The following PARD3 variants were observed in gnomAD, a reference collection of about 807,000 sequenced individuals.
The protein encoded by PARD3 is partitioning defective 3 homolog.
Under a neutral mutation model 155.4 loss-of-function variants are expected in PARD3, and 75 were observed. The observed-to-expected ratio is 0.48, with a 90% CI of 0.40 to 0.58. PARD3 has a LOEUF of 0.58. Among genes scored for constraint, PARD3 ranks in the 20% least tolerant of loss-of-function variants. PARD3 has a pLI of 0.00. For synonymous variants in PARD3, 576 were observed against 610.5 expected (o/e 0.94, Z 0.83); for missense variants, 1,642 against 1,721.7 (o/e 0.95, Z 0.82).
intron 2 of PARD3, among the ~76,000 whole-genome samples, chr10:34,693,750 G>A (rs2094113128): frequency 6.6e-6 from 1 of 152,162 alleles, no homozygotes; most frequent in Non-Finnish European, 1.5e-5. Context: ...AGGATCACTT[G>A]AACCTGGGAG....
intron 2 of PARD3, among the ~76,000 whole-genome samples, chr10:34,591,263 A>T (rs1486204271): frequency 6.6e-6 from 1 of 152,148 alleles, no homozygotes; most frequent in Admixed American, 6.6e-5. Flanking sequence ...TGTGTGCCCA[A>T]ACAAAGGGTC....
rs560788773 is a variant in PARD3, at chr10:34,189,205, G to C, written c.3420-57622C>G. Among the ~76,000 whole-genome samples, 3 of 152,076 alleles carry C rather than the reference G, an allele frequency of 2.0e-5. No individual in the cohort carries two copies. In the South Asian group the frequency reaches 6.3e-4, roughly 32 times the overall value. Reference sequence around the variant, plus strand: ...TAAAAATAATAAATAACCTGGGCATGGTCCCCAGCTACTTGTGAGGCTGAG... The same window carrying C: ...TAAAAATAATAAATAACCTGGGCATCGTCCCCAGCTACTTGTGAGGCTGAG... On this transcript the variant is annotated intron_variant, in intron 22 of 24. Transcript: ENST00000374788.
intron 2 of PARD3, among the ~76,000 whole-genome samples, chr10:34,678,971 T>C (rs2093762316): frequency 6.6e-6 from 1 of 152,070 alleles, no homozygotes; most frequent in East Asian, 1.9e-4. Context: ...TAATACCTCT[T>C]TGCAGGTTTC....
chr10:34,125,691 G>T (rs1215920273), intron 23 of PARD3, among the ~76,000 whole-genome samples: 1 of 152,196 alleles, frequency 6.6e-6, no homozygotes, highest in Non-Finnish European at 1.5e-5. Flanking sequence ...GAAAAGGACA[G>T]ATTTTGTTAT....
intron 1 of PARD3, among the ~76,000 whole-genome samples, chr10:34,757,250 AGTC>A (rs1376515393): frequency 6.6e-6 from 1 of 152,256 alleles, no homozygotes; most frequent in East Asian, 1.9e-4. Context: ...GTTAATTACT[AGTC>A]AGCACTAAAA....
rs1433323340 is a variant in PARD3 at position 34,589,989 on chromosome 10, A to G, written c.223-72830T>C. On this transcript the variant is annotated intron_variant, in intron 2 of 24. Transcript: ENST00000374788. ...TCCACAACCTCCATTTTTGGTATTT[A>G]TACAAAGATGGTGAACATTACCAAT... 2.6e-5 allele frequency among the ~76,000 whole-genome samples: 4 copies of G among 152,210 alleles called. 1 individual carries two copies. Among genetic ancestry groups the G allele is most frequent in the Non-Finnish European group, 5.9e-5 (4 of 68,038 alleles).
rs144421819 is a variant in PARD3, at chr10:34,351,260, T to G, written c.2068-3145A>C. Among the ~76,000 whole-genome samples, 319 of 152,252 alleles carry G rather than the reference T, an allele frequency of 2.1e-3. 6 individuals carry two copies. Among genetic ancestry groups the G allele is most frequent in the Admixed American group, 0.019 (298 of 15,292 alleles). ...ATTATTCAATATTTCAGTTTTTTTT[T>G]AGCATATTGTATTTTATCCCCAATG... On this transcript the variant is annotated intron_variant, in intron 14 of 24. Coordinates refer to ENST00000374788, the MANE Select transcript of PARD3 (RefSeq NM_001184785.2).
rs537655329 is a variant in PARD3 at position 34,355,534 on chromosome 10, T to C, written c.2067+3613A>G. On this transcript the variant is annotated intron_variant, in intron 14 of 24. Coordinates refer to ENST00000374788, the MANE Select transcript of PARD3 (RefSeq NM_001184785.2). The stretch of plus-strand genomic sequence containing the variant: ...TGGACAGAGGGATCTGGTGCCAGAG[T>C]GGACCTGTGAGCTGGAAAGAGGATG... Among the ~76,000 whole-genome samples the C allele has an allele frequency of 3.3e-5, 5 of 151,844 alleles. No individual in the cohort carries two copies. The East Asian group carries it at 9.7e-4, about 30-fold the overall frequency.
intron 4 of PARD3, among the ~76,000 whole-genome samples, chr10:34,468,713 C>T (rs2078161522): frequency 6.6e-6 from 1 of 152,092 alleles, no homozygotes; most frequent in Non-Finnish European, 1.5e-5. Context: ...TAAATATACT[C>T]TTTTTTTCAA....
intron 15 of PARD3, chr10:34,345,807 G>C (rs1001955258): frequency 1.0e-6 from 1 of 985,138 alleles, no homozygotes; most frequent in Non-Finnish European, 1.2e-6. Context: ...CTAACTTTAA[G>C]TGGTAACTAA....
At chr10:34,600,681 A>G (rs1221457027) in intron 2 of PARD3, among the ~76,000 whole-genome samples, 1 of 152,224 alleles carries the variant, frequency 6.6e-6, no homozygotes, top group Non-Finnish European at 1.5e-5. Context: ...TGATCACCAC[A>G]TACTAGCAAT....
At chr10:34,193,997 A>G (rs150051304) in intron 22 of PARD3, among the ~76,000 whole-genome samples, 233 of 152,298 alleles carry the variant, frequency 1.5e-3, no homozygotes, top group African/African-American at 5.2e-3. Context: ...AGGACTGCAG[A>G]AGAAGCAAAA....
chr10:34,814,854 G>T, intron 1 of PARD3, 22 bp downstream of exon 1: 2 of 556,508 alleles, frequency 3.6e-6, no homozygotes. Flanking sequence ...CCCCCTCCCC[G>T]CCCGCGCCCC....
intron 22 of PARD3, among the ~76,000 whole-genome samples, chr10:34,181,982 G>A (rs774899069): frequency 2.6e-5 from 4 of 152,172 alleles, no homozygotes; most frequent in Non-Finnish European, 5.9e-5. Context: ...TAAACCGAAC[G>A]TGTCAGATAA....
intron 7 of PARD3, among the ~76,000 whole-genome samples, chr10:34,398,206 C>A (rs966654563): frequency 2.0e-5 from 3 of 152,090 alleles, no homozygotes; most frequent in African/African-American, 4.8e-5. Flanking sequence ...ATTGCATGAA[C>A]CATGAGAGAT....
intron 22 of PARD3, among the ~76,000 whole-genome samples, chr10:34,154,578 A>G (rs140450150): frequency 1.3e-5 from 2 of 152,328 alleles, no homozygotes; most frequent in Non-Finnish European, 1.5e-5. Context: ...AGTAATTCCA[A>G]TTGCTGAATA....
chr10:34,341,880 T>C (rs1402823537), intron 15 of PARD3, 64 bp from the exon 16 acceptor site: 10 of 960,540 alleles, frequency 1.0e-5, no homozygotes, highest in Non-Finnish European at 1.6e-5. Flanking sequence ...CATCTATTAA[T>C]TTTAATACTT....
chr10:34,423,318 G>A (rs2075415608), intron 5 of PARD3, among the ~76,000 whole-genome samples: 1 of 152,078 alleles, frequency 6.6e-6, no homozygotes, highest in Non-Finnish European at 1.5e-5. Flanking sequence ...TGGGGTTAGG[G>A]GGATGGTGGG....
chr10:34,544,840 A>T (rs2083916029), intron 2 of PARD3, among the ~76,000 whole-genome samples: 1 of 152,200 alleles, frequency 6.6e-6, no homozygotes, highest in Non-Finnish European at 1.5e-5. Flanking sequence ...AGTAACTATT[A>T]TTCTCATTTA....
Sources: gnomAD v4.1 joint callset for allele counts (sites outside exome capture counted in the v4.1 genomes callset) on GRCh38, gnomAD v4.1.1 for gene constraint, MANE v1.5 for transcripts, NCBI Gene and HGNC (gene_info 2026-07-23, HGNC 2026-07-21) for gene names.